The following ENTPD7 variants were observed in gnomAD, a reference collection of about 807,000 sequenced individuals.
The protein encoded by ENTPD7 is ectonucleoside triphosphate diphosphohydrolase 7, also known as NTPDase 7.
A neutral mutation model predicts 77.9 loss-of-function variants in ENTPD7; 53 were observed. The observed-to-expected ratio is 0.68, with a 90% CI of 0.55 to 0.85. The LOEUF (loss-of-function observed/expected upper bound fraction) is 0.85. ENTPD7 is among the 40% of genes least tolerant of loss of function. ENTPD7 has a pLI of 0.00. For synonymous variants in ENTPD7, 248 were observed against 274.9 expected (o/e 0.90, Z 0.97); for missense variants, 636 against 743.7 (o/e 0.86, Z 1.68).
Position 99,698,515 on chromosome 10 carries a change from G to GT in ENTPD7, c.1011-14dup. 6.2e-7 allele frequency: 1 copy of GT among 1,608,338 alleles called. No individual in the cohort carries two copies. Among genetic ancestry groups the GT allele is most frequent in the African/African-American group, 1.3e-5 (1 of 74,918 alleles). ...GCATGACGTGTTTGTTTGTTTGTTT[G>GT]TTTTTGTCATTGTGGCAGATTGCTT... On this transcript the variant is annotated intron_variant, in intron 9 of 12. Coordinates refer to ENST00000370489, the MANE Select transcript of ENTPD7 (RefSeq NM_020354.5).
Position 99,709,984 on chromosome 10 carries a change from T to TTC in ENTPD7, c.*5302_*5303insCT, listed in dbSNP as rs2036333050. The TTC allele has an allele frequency of 1.0e-6, 1 of 985,356 alleles. No individual in the cohort carries two copies. The highest frequency in any genetic ancestry group is 1.2e-6 in the Non-Finnish European group (1 of 829,948). 61.0% of individuals were successfully genotyped at this position (985,356 alleles called of 1,614,324 possible). A position where few individuals can be genotyped will look rare whatever the true frequency, so the allele number is the denominator to read the frequency against. ...CTTTTAAAATGTAATCCATCATTGCTTGCCATTTTTATGAAAACCAAAGTT... is the reference window on the plus strand; with the variant it reads ...CTTTTAAAATGTAATCCATCATTGCTTCTGCCATTTTTATGAAAACCAAAGTT... On this transcript the variant is annotated 3_prime_UTR_variant, in exon 13 of 13. Transcript: ENST00000370489.
chr10:99,700,666 A>G (rs1433144229), intron 10 of ENTPD7, among the ~76,000 whole-genome samples: 3 of 152,192 alleles, frequency 2.0e-5, no homozygotes, highest in African/African-American at 7.2e-5. Context: ...TGCTCATGTC[A>G]GTCCTATGTG....
Position 99,685,778 on chromosome 10 carries a change from G to T in ENTPD7, c.549-14G>T. Reference sequence around the variant, plus strand: ...TTAGTGACTAACTTTGGGATTTTTTGTTCTTTCTTGCAGGAAGCAGTTGGC... The same window carrying T: ...TTAGTGACTAACTTTGGGATTTTTTTTTCTTTCTTGCAGGAAGCAGTTGGC... On this transcript the variant is annotated splice_polypyrimidine_tract_variant and intron_variant, in intron 5 of 12. Transcript: ENST00000370489. 3 of 1,605,258 alleles carry T rather than the reference G, an allele frequency of 1.9e-6. No homozygotes were observed. The highest frequency in any genetic ancestry group is 2.6e-6 in the Non-Finnish European group (3 of 1,172,488).
In ENTPD7 at chr10:99,707,865, C is replaced by CTT. The variant is rs1164144306; in HGVS notation, c.*3184_*3185dup. On this transcript the variant is annotated 3_prime_UTR_variant, in exon 13 of 13. Coordinates refer to ENST00000370489, the MANE Select transcript of ENTPD7 (RefSeq NM_020354.5). ...AATTATACCATTTTTTCTCTCTGTA[C>CTT]TTTAGCTCCTTGAATTTCCTTAATC... Among the ~76,000 whole-genome samples the CTT allele has an allele frequency of 6.6e-6, 1 of 152,168 alleles. No individual in the cohort carries two copies. Among genetic ancestry groups the CTT allele is most frequent in the Non-Finnish European group, 1.5e-5 (1 of 68,036 alleles).
Position 99,708,979 on chromosome 10 carries a change from T to C in ENTPD7, c.*4296T>C, listed in dbSNP as rs74152722. The C allele has an allele frequency of 3.9e-4, 382 of 985,448 alleles. 2 individuals carry two copies. In the African/African-American group the frequency reaches 6.1e-3, roughly 16 times the overall value. The allele number at this position is 985,448 out of a possible 1,614,324, so 61.0% of individuals were successfully genotyped here. A position where few individuals can be genotyped will look rare whatever the true frequency, so the allele number is the denominator to read the frequency against. On this transcript the variant is annotated 3_prime_UTR_variant, in exon 13 of 13. Transcript: ENST00000370489. ...TTCATTTATGACTGCTTTGCTCACATTTAGGAATAAACTTTGAAAAAAATA... is the reference window on the plus strand; with the variant it reads ...TTCATTTATGACTGCTTTGCTCACACTTAGGAATAAACTTTGAAAAAAATA...
At chr10:99,703,620 T>G (rs866734838) in intron 12 of ENTPD7, among the ~76,000 whole-genome samples, 10 of 152,322 alleles carry the variant, frequency 6.6e-5, no homozygotes, top group Middle Eastern at 3.4e-3. Context: ...TACACTTGGT[T>G]TTCATATCGC....
chr10:99,681,998 A>T (rs2035760037), intron 5 of ENTPD7, among the ~76,000 whole-genome samples: 1 of 152,098 alleles, frequency 6.6e-6, no homozygotes, highest in East Asian at 1.9e-4. Flanking sequence ...TTACTCTGTT[A>T]ATTTTTTCCT....
At chr10:99,700,325 G>A (rs575173984) in intron 10 of ENTPD7, among the ~76,000 whole-genome samples, 6 of 151,650 alleles carry the variant, frequency 4.0e-5, no homozygotes, top group African/African-American at 1.5e-4. Context: ...AAATGACAAC[G>A]CTCCCCATAT....
intron 5 of ENTPD7, among the ~76,000 whole-genome samples, chr10:99,684,099 A>G (rs1190367224): frequency 1.3e-5 from 2 of 152,220 alleles, no homozygotes; most frequent in African/African-American, 4.8e-5. Flanking sequence ...TCTATCGCCC[A>G]GGCTGGAGTG....
At chr10:99,679,595 T>C (rs2035726402) in intron 4 of ENTPD7, 129 bp downstream of exon 4, 1 of 1,423,010 alleles carries the variant, frequency 7.0e-7, no homozygotes, top group East Asian at 2.3e-5. Flanking sequence ...TCTTTCATTG[T>C]CACCCCCTAC....
Position 99,704,585 on chromosome 10 carries a change from C to T in ENTPD7, c.1717C>T (p.Arg573Cys), listed in dbSNP as rs754180109. 3.1e-6 allele frequency: 5 copies of T among 1,614,066 alleles called. No homozygotes were observed. Among genetic ancestry groups the T allele is most frequent in the Admixed American group, 1.7e-5 (1 of 60,004 alleles). Reference protein sequence around the residue: ...LAIFLYLLRLRRIHHRQTRAS... With the variant: ...LAIFLYLLRLCRIHHRQTRAS... ...CATCTTCCTATACCTTCTGCGGCTA[C>T]GCCGAATTCACCACCGACAAACACG... The change falls in exon 13 of 13, where the codon CGC becomes TGC. Residue 573 changes from arginine (R) to cysteine (C), a missense_variant. Transcript: ENST00000370489.
In ENTPD7 at chr10:99,707,836, G is replaced by C. The variant is rs572881890; in HGVS notation, c.*3153G>C. Among the ~76,000 whole-genome samples, 1 of 152,128 alleles carries C rather than the reference G, an allele frequency of 6.6e-6. No homozygotes were observed. Among genetic ancestry groups the C allele is most frequent in the Non-Finnish European group, 1.5e-5 (1 of 68,014 alleles). ...TCACTTAAGTTGCAGTTAACTCTAA[G>C]CCAAATTATACCATTTTTTCTCTCT... is the stretch of plus-strand genomic sequence containing the variant. On this transcript the variant is annotated 3_prime_UTR_variant, in exon 13 of 13. Coordinates refer to ENST00000370489, the MANE Select transcript of ENTPD7 (RefSeq NM_020354.5).
intron 8 of ENTPD7, among the ~76,000 whole-genome samples, chr10:99,693,828 G>C (rs1432713212): frequency 6.6e-6 from 1 of 151,880 alleles, no homozygotes; most frequent in African/African-American, 2.4e-5. Flanking sequence ...TGAGGCAGGA[G>C]AATCGCTTGA....
intron 12 of ENTPD7, among the ~76,000 whole-genome samples, chr10:99,703,601 G>C (rs1040062269): frequency 2.6e-5 from 4 of 152,200 alleles, no homozygotes; most frequent in Non-Finnish European, 5.9e-5. Context: ...TTCTAGCCAG[G>C]TGGACCATTA....
At position 99,706,420 on chromosome 10, in the gene ENTPD7, C is replaced by A. The variant is rs990401308; in HGVS notation, c.*1737C>A. On this transcript the variant is annotated 3_prime_UTR_variant, in exon 13 of 13. Coordinates refer to ENST00000370489, the MANE Select transcript of ENTPD7 (RefSeq NM_020354.5). ...GCAACATCATGGCTCACCGCAGCCT[C>A]AACCTCCTGGGCTCAAACAGTCCTC... 3.3e-5 allele frequency among the ~76,000 whole-genome samples: 5 copies of A among 151,912 alleles called. No individual in the cohort carries two copies. The highest frequency in any genetic ancestry group is 7.4e-5 in the Non-Finnish European group (5 of 67,998).
At chr10:99,692,129 A>G (rs2035892415) in intron 8 of ENTPD7, among the ~76,000 whole-genome samples, 1 of 152,246 alleles carries the variant, frequency 6.6e-6, no homozygotes, top group African/African-American at 2.4e-5. Flanking sequence ...CTAAAAACTT[A>G]TAATTTATCT....
At chr10:99,668,696 C>T (rs1265867012) in intron 3 of ENTPD7, among the ~76,000 whole-genome samples, 1 of 151,922 alleles carries the variant, frequency 6.6e-6, no homozygotes, top group African/African-American at 2.4e-5. Context: ...AGATAATGGG[C>T]GTTATAATCT....
chr10:99,681,093 C>G (rs1387474702), intron 5 of ENTPD7, among the ~76,000 whole-genome samples: 10 of 151,850 alleles, frequency 6.6e-5, no homozygotes, highest in African/African-American at 2.4e-4. Context: ...GTGTATGTAC[C>G]ATGTTTTCTT....
At chr10:99,671,805 A>G (rs553090949) in intron 3 of ENTPD7, among the ~76,000 whole-genome samples, 202 of 152,282 alleles carry the variant, frequency 1.3e-3, no homozygotes, top group African/African-American at 4.3e-3. Flanking sequence ...TTTTGTAGCT[A>G]TTGAAAGGTG....
Sources: allele counts gnomAD v4.1 joint callset (sites outside exome capture counted in the v4.1 genomes callset), GRCh38; gene constraint gnomAD v4.1.1; transcripts MANE v1.5; gene names NCBI Gene and HGNC (gene_info 2026-07-23, HGNC 2026-07-21).